Variants in LRRC1 observed in about 807,000 individuals in gnomAD.
LRRC1 encodes the protein leucine-rich repeat-containing protein 1.
Under a neutral mutation model 69.9 loss-of-function variants are expected in LRRC1, and 28 were observed. The ratio of observed to expected loss-of-function variants is 0.40; its 90% CI spans 0.30 to 0.55. The LOEUF (loss-of-function observed/expected upper bound fraction) is 0.55, where lower values mean the gene tolerates loss of function less well. Among genes scored for constraint, LRRC1 ranks in the 20% least tolerant of loss-of-function variants. LRRC1 has a pLI of 0.47. For missense variants in LRRC1, 498 were observed against 609.0 expected, an observed-to-expected ratio of 0.82 and a Z score of 1.92; for synonymous variants, 236 against 240.2, an observed-to-expected ratio of 0.98 and a Z score of 0.16.
At chr6:53,797,670 TA>T (rs2127400624) in intron 1 of LRRC1, among the ~76,000 whole-genome samples, 2 of 152,356 alleles carry the variant, frequency 1.3e-5, no homozygotes, top group South Asian at 2.1e-4. Flanking sequence ...AAGCACAGCT[TA>T]AGGGGAAGCC....
At chr6:53,842,386 A>G (rs1765819712) in intron 2 of LRRC1, among the ~76,000 whole-genome samples, 159 bp downstream of exon 2, 1 of 152,194 alleles carries the variant, frequency 6.6e-6, no homozygotes, top group Non-Finnish European at 1.5e-5. Flanking sequence ...TGTCCCAAAT[A>G]TAGCTAGATA....
chr6:53,810,670 A>G (rs1228567657), intron 1 of LRRC1, among the ~76,000 whole-genome samples: 1 of 152,114 alleles, frequency 6.6e-6, no homozygotes, highest in African/African-American at 2.4e-5. Flanking sequence ...TTTTATTCTC[A>G]CTTCTTGTGT....
chr6:53,810,997 TATC>T (rs1207684146), intron 1 of LRRC1, among the ~76,000 whole-genome samples: 4 of 152,226 alleles, frequency 2.6e-5, no homozygotes, highest in African/African-American at 9.6e-5. Context: ...TCTATCAACT[TATC>T]ATCAGGGACT....
intron 10 of LRRC1, among the ~76,000 whole-genome samples, chr6:53,908,346 C>G (rs770607382): frequency 1.3e-5 from 2 of 152,120 alleles, no homozygotes; most frequent in African/African-American, 4.8e-5. Context: ...TTCATCAAAG[C>G]TTTTTTCAGT....
At chr6:53,816,816 C>T (rs1007218738) in intron 1 of LRRC1, among the ~76,000 whole-genome samples, 4 of 152,098 alleles carry the variant, frequency 2.6e-5, no homozygotes, top group East Asian at 1.9e-4. Flanking sequence ...TCGTATATGC[C>T]GAACAATCTG....
chr6:53,799,716 C>T (rs1184537633), intron 1 of LRRC1, among the ~76,000 whole-genome samples: 1 of 152,190 alleles, frequency 6.6e-6, no homozygotes, highest in Admixed American at 6.5e-5. Flanking sequence ...GTGGTAAGTC[C>T]CTTTTGCCTT....
intron 10 of LRRC1, among the ~76,000 whole-genome samples, chr6:53,909,607 CA>C (rs1768348003): frequency 6.9e-6 from 1 of 145,378 alleles, no homozygotes; most frequent in Non-Finnish European, 1.5e-5. Flanking sequence ...TTTTTATAAT[CA>C]GAAAAAAAAA....
At chr6:53,888,457 CAA>C (rs1767565977) in intron 4 of LRRC1, among the ~76,000 whole-genome samples, 2 of 151,846 alleles carry the variant, frequency 1.3e-5, no homozygotes, top group Admixed American at 1.3e-4. Context: ...AAAGAAGACT[CAA>C]TAAGTGGTAA....
intron 2 of LRRC1, among the ~76,000 whole-genome samples, chr6:53,846,026 C>G (rs1407408123): frequency 6.6e-6 from 1 of 152,212 alleles, no homozygotes; most frequent in African/African-American, 2.4e-5. Flanking sequence ...CTCACGTTTG[C>G]TTTGATTCTA....
intron 1 of LRRC1, among the ~76,000 whole-genome samples, chr6:53,825,819 AAATTAC>A (rs1765239226): frequency 6.6e-6 from 1 of 152,088 alleles, no homozygotes; most frequent in South Asian, 2.1e-4. Flanking sequence ...TCTGGTTCTG[AAATTAC>A]AATTTTTATA....
chr6:53,878,159 G>A (rs560093959), intron 2 of LRRC1, among the ~76,000 whole-genome samples: 2 of 152,028 alleles, frequency 1.3e-5, no homozygotes, highest in Non-Finnish European at 2.9e-5. Context: ...GAACAGCACA[G>A]GAAAGACCTG....
rs532031234 is a variant in LRRC1 at position 53,817,860 on chromosome 6, A to T, written c.159+22445A>T. 4.6e-5 allele frequency among the ~76,000 whole-genome samples: 7 copies of T among 152,354 alleles called. No homozygotes were observed. In the East Asian group the frequency reaches 1.3e-3, roughly 29 times the overall value. On this transcript the variant is annotated intron_variant, in intron 1 of 13. Transcript: ENST00000370888. ...TACAGTAATGTAGGTACTAAAAAAA[A>T]ATGATCAAGCTACATCCTATGCATT...
chr6:53,905,962 T>A (rs550667523), intron 10 of LRRC1, among the ~76,000 whole-genome samples: 1 of 152,218 alleles, frequency 6.6e-6, no homozygotes. Context: ...ACAGAACTGA[T>A]ATTCTGAACA....
intron 1 of LRRC1, among the ~76,000 whole-genome samples, chr6:53,806,994 TCAGAGGGTGTTGTTTGAAACTTC>T (rs145600994): frequency 0.19 from 28,886 of 152,130 alleles, 2,961 homozygotes; most frequent in Middle Eastern, 0.32. Flanking sequence ...CTCAAGCAAT[TCAGAGGGTGTTGTTTGAAACTTC>T]CCTTTATGTT....
At chr6:53,900,284 G>A (rs868122426) in intron 8 of LRRC1, among the ~76,000 whole-genome samples, 2 of 152,030 alleles carry the variant, frequency 1.3e-5, no homozygotes, top group South Asian at 2.1e-4. Flanking sequence ...TGATCCGCCC[G>A]CCTCCGCCTC....
chr6:53,891,435 CA>C (rs1767675742), intron 4 of LRRC1, among the ~76,000 whole-genome samples: 1 of 143,426 alleles, frequency 7.0e-6, no homozygotes, highest in Admixed American at 7.0e-5. Flanking sequence ...CTGGTATGTA[CA>C]AATAAAAAAT....
intron 1 of LRRC1, among the ~76,000 whole-genome samples, chr6:53,823,525 G>A (rs1765171765): frequency 1.3e-5 from 2 of 152,088 alleles, no homozygotes; most frequent in South Asian, 4.2e-4. Flanking sequence ...TTAAGTTCAA[G>A]GGTACATGTG....
At chr6:53,913,194 A>T (rs921267146) in intron 10 of LRRC1, among the ~76,000 whole-genome samples, 12 of 152,196 alleles carry the variant, frequency 7.9e-5, no homozygotes, top group African/African-American at 2.9e-4. Flanking sequence ...GAAGAAATGG[A>T]TGTATGGATT....
intron 1 of LRRC1, among the ~76,000 whole-genome samples, chr6:53,801,532 A>G (rs1404651167): frequency 6.6e-6 from 1 of 152,184 alleles, no homozygotes; most frequent in Non-Finnish European, 1.5e-5. Context: ...TACATTTCTC[A>G]AGCTGGGGAA....
Sources: gnomAD v4.1 joint callset for allele counts (sites outside exome capture counted in the v4.1 genomes callset) on GRCh38, gnomAD v4.1.1 for gene constraint, MANE v1.5 for transcripts, NCBI Gene and HGNC (gene_info 2026-07-23, HGNC 2026-07-21) for gene names.